Variants in SHANK2 observed in about 807,000 individuals in gnomAD.
SHANK2 encodes SH3 and multiple ankyrin repeat domains protein 2.
A neutral mutation model predicts 133.7 loss-of-function variants in SHANK2; 43 were observed. That is an observed-to-expected ratio of 0.32 (90% CI 0.25 to 0.41). SHANK2 has a LOEUF of 0.41. Ranked by LOEUF, SHANK2 falls within the 10% of genes least tolerant of loss-of-function variation. The pLI, the probability that SHANK2 is intolerant of heterozygous loss-of-function variation, is 1.00. For synonymous variants in SHANK2, 1,017 were observed against 952.8 expected (o/e 1.07, Z -1.24); for missense variants, 1,994 against 2,235.8 (o/e 0.89, Z 2.18).
At chr11:70,624,337 C>T (rs2060874749) in intron 17 of SHANK2, among the ~76,000 whole-genome samples, 1 of 152,024 alleles carries the variant, frequency 6.6e-6, no homozygotes, top group African/African-American at 2.4e-5. Context: ...TCCCCTGGTT[C>T]CCTGGTGCTC....
In SHANK2 at chr11:70,659,874, C is replaced by A; in HGVS notation, c.2015G>T (p.Gly672Val). 1 of 1,614,176 alleles carries A rather than the reference C, an allele frequency of 6.2e-7. No homozygotes were observed. The highest frequency in any genetic ancestry group is 8.5e-7 in the Non-Finnish European group (1 of 1,180,048). ...CCTTAGTCCGGCTTGCCACGCCACC[C>A]CACCTTCATCCACGGACTCCAGGTA... ...LQYLESVDEG[G>V]VAWQAGLRTG... Residue 672 changes from glycine (G) to valine (V), a missense_variant, in exon 17 of 26, where the codon GGG becomes GTG. Transcript: ENST00000601538.
chr11:70,742,277 G>C (rs1323736906), intron 14 of SHANK2, among the ~76,000 whole-genome samples: 1 of 152,098 alleles, frequency 6.6e-6, no homozygotes, highest in Non-Finnish European at 1.5e-5. Flanking sequence ...TCAAAACCCA[G>C]GTGGACTGTT....
intron 3 of SHANK2, among the ~76,000 whole-genome samples, chr11:71,137,093 C>G (rs1490214397): frequency 6.6e-6 from 1 of 152,004 alleles, no homozygotes; most frequent in Non-Finnish European, 1.5e-5. Context: ...AAACTCCTGA[C>G]CTCAGGTGAT....
chr11:70,496,995 C>A (rs782733703), intron 21 of SHANK2: 6 of 456,610 alleles, frequency 1.3e-5, no homozygotes, highest in African/African-American at 1.2e-4. Context: ...AAACCTTTCC[C>A]TTCCTAATAA....
chr11:70,585,087 G>A (rs1193449116), intron 17 of SHANK2, among the ~76,000 whole-genome samples: 5 of 152,196 alleles, frequency 3.3e-5, no homozygotes, highest in Admixed American at 6.5e-5. Context: ...ATACCGCCTC[G>A]CAGCCCCTCT....
chr11:71,248,121 T>C (rs974655820), intron 1 of SHANK2, among the ~76,000 whole-genome samples: 4 of 152,198 alleles, frequency 2.6e-5, no homozygotes, highest in East Asian at 1.9e-4. Context: ...CATGGGCCCA[T>C]TGTCCCCCGC....
At chr11:71,087,228 C>G (rs905749333) in intron 8 of SHANK2, among the ~76,000 whole-genome samples, 25 of 152,206 alleles carry the variant, frequency 1.6e-4, no homozygotes, top group Non-Finnish European at 2.6e-4. Context: ...CAGTGAGTGA[C>G]TGATGGTCAG....
chr11:70,519,035 G>C (rs1184453197), intron 17 of SHANK2, among the ~76,000 whole-genome samples: 3 of 152,066 alleles, frequency 2.0e-5, no homozygotes, highest in Non-Finnish European at 4.4e-5. Flanking sequence ...TCAGCCTCTT[G>C]AGCAGCTGAA....
chr11:70,809,836 C>T (rs61885478), intron 12 of SHANK2, among the ~76,000 whole-genome samples: 15 of 152,218 alleles, frequency 9.9e-5, no homozygotes, highest in Non-Finnish European at 1.8e-4. Flanking sequence ...GGGGAGGCTG[C>T]AAGCAGCTAG....
chr11:70,946,773 G>A (rs1340740195), intron 10 of SHANK2, among the ~76,000 whole-genome samples: 6 of 131,684 alleles, frequency 4.6e-5, no homozygotes, highest in African/African-American at 1.8e-4. Flanking sequence ...CCCTTCCCAG[G>A]CTCAACCTCT....
At chr11:71,076,566 T>C (rs1951223232) in intron 8 of SHANK2, among the ~76,000 whole-genome samples, 1 of 146,522 alleles carries the variant, frequency 6.8e-6, no homozygotes, top group Admixed American at 6.7e-5. Flanking sequence ...ACACGAGAAA[T>C]TTCCATTTAC....
chr11:70,645,622 GAA>G (rs1424157410), intron 17 of SHANK2, among the ~76,000 whole-genome samples: 1 of 152,150 alleles, frequency 6.6e-6, no homozygotes, highest in Non-Finnish European at 1.5e-5. Context: ...TACAACAAGA[GAA>G]TGATGCATAT....
intron 10 of SHANK2, chr11:70,911,215 T>C: frequency 2.2e-6 from 1 of 456,146 alleles, no homozygotes; most frequent in Non-Finnish European, 4.4e-6. Flanking sequence ...TTTTTGTTGT[T>C]GTTGTTCTTT....
At chr11:70,560,869 C>T (rs915401158) in intron 17 of SHANK2, among the ~76,000 whole-genome samples, 12 of 151,854 alleles carry the variant, frequency 7.9e-5, no homozygotes, top group Non-Finnish European at 1.6e-4. Context: ...TCAAGTGATT[C>T]GCCTGCCTCG....
chr11:70,559,431 C>T (rs1378940665), intron 17 of SHANK2, among the ~76,000 whole-genome samples: 1 of 152,186 alleles, frequency 6.6e-6, no homozygotes, highest in African/African-American at 2.4e-5. Context: ...CAAATAGCAA[C>T]ACAGTTAACA....
At chr11:70,885,581 C>A (rs1287293160) in intron 11 of SHANK2, among the ~76,000 whole-genome samples, 2 of 152,192 alleles carry the variant, frequency 1.3e-5, no homozygotes, top group Non-Finnish European at 2.9e-5. Context: ...GCGCAGGAGG[C>A]ATGGGGCAAG....
chr11:70,722,382 G>A (rs549902849), intron 14 of SHANK2, among the ~76,000 whole-genome samples: 1 of 152,180 alleles, frequency 6.6e-6, no homozygotes, highest in Non-Finnish European at 1.5e-5. Flanking sequence ...GGACATGAAG[G>A]CTTCCTGCAG....
intron 14 of SHANK2, among the ~76,000 whole-genome samples, chr11:70,736,393 G>A (rs1258280400): frequency 2.6e-5 from 4 of 152,200 alleles, no homozygotes; most frequent in Admixed American, 2.6e-4. Context: ...GTGTGATTGA[G>A]TTAAGGATCT....
intron 15 of SHANK2, among the ~76,000 whole-genome samples, chr11:70,669,854 C>T (rs1202502375): frequency 3.3e-5 from 5 of 152,156 alleles, no homozygotes; most frequent in Admixed American, 3.3e-4. Flanking sequence ...GTGCTGATGG[C>T]GGCTGGGGAA....
Sources: allele counts gnomAD v4.1 joint callset (sites outside exome capture counted in the v4.1 genomes callset), GRCh38; gene constraint gnomAD v4.1.1; transcripts MANE v1.5; gene names NCBI Gene and HGNC (gene_info 2026-07-23, HGNC 2026-07-21).